The following ACIN1 variants were observed in gnomAD, a reference collection of about 807,000 sequenced individuals.
ACIN1 encodes apoptotic chromatin condensation inducer in the nucleus.
ACIN1 carries 16 observed loss-of-function variants against 146.6 expected under a neutral mutation model. That is an observed-to-expected ratio of 0.11 (90% CI 0.07 to 0.17). The LOEUF is 0.17. Among genes scored for constraint, ACIN1 ranks in the 10% least tolerant of loss-of-function variants. ACIN1 has a pLI of 1.00. For missense variants in ACIN1, 1,357 were observed against 1,609.3 expected, an observed-to-expected ratio of 0.84 and a Z score of 2.68; for synonymous variants, 569 against 582.7, an observed-to-expected ratio of 0.98 and a Z score of 0.34.
intron 5 of ACIN1, among the ~76,000 whole-genome samples, 177 bp downstream of exon 5, chr14:23,081,571 A>G (rs559893416): frequency 1.3e-3 from 193 of 152,324 alleles, no homozygotes; most frequent in Admixed American, 4.3e-3. Context: ...TCGAGGCTGT[A>G]GTAAGCTGTG....
intron 2 of ACIN1, 127 bp downstream of exon 2, chr14:23,093,352 C>T: frequency 1.0e-6 from 1 of 956,444 alleles, no homozygotes; most frequent in Admixed American, 2.2e-5. Context: ...GGTTTGAGAA[C>T]ATTTCTGACT....
chr14:23,092,380 GT>G (rs1284066425), intron 2 of ACIN1, among the ~76,000 whole-genome samples: 1 of 23,330 alleles, frequency 4.3e-5, no homozygotes, highest in Non-Finnish European at 2.3e-4. Flanking sequence ...CACAAACCCG[GT>G]GTTAATAAAA....
intron 8 of ACIN1, among the ~76,000 whole-genome samples, chr14:23,075,229 G>A (rs1274368228): frequency 6.6e-6 from 1 of 151,968 alleles, no homozygotes; most frequent in South Asian, 2.1e-4. Context: ...TGTGCATACA[G>A]GAAGGTTGTA....
chr14:23,061,481 C>T lies in ACIN1; in HGVS notation c.3241G>A (p.Glu1081Lys). Residue 1081 changes from glutamate (E) to lysine (K), a missense_variant, in exon 17 of 19, where the codon GAA (glutamate) becomes AAA (lysine). Physicochemically the swap from Glu to Lys is moderately conservative, Grantham distance 56 (BLOSUM62 1). This residue lies in a region of ACIN1 where 509 missense variants were observed against 719.6 expected (regional missense o/e 0.71). Coordinates refer to ENST00000605057, the MANE Select transcript of ACIN1 (RefSeq NM_001386863.1). Reference sequence around the variant, plus strand: ...GCCCACTGTTCCCGCACTGCCCGTTCCTGCTCCCGCTGCTCTGCCCGGGGG... The same window carrying T: ...GCCCACTGTTCCCGCACTGCCCGTTTCTGCTCCCGCTGCTCTGCCCGGGGG... ...QHPRAEQREQERAVREQWAER... is the reference protein window; with the variant it reads ...QHPRAEQREQKRAVREQWAER... The T allele has an allele frequency of 6.2e-7, 1 of 1,612,418 alleles. No individual in the cohort carries two copies.
rs1382324912 is a variant in ACIN1 at position 23,079,769 on chromosome 14, C to T, written c.1566G>A (p.Arg522=). Residue 522 remains arginine, a synonymous_variant, in exon 6 of 19, where the codon CGG becomes CGA. Transcript: ENST00000605057. ...AACTGGAGGAGGAAGATGAGGAGGA[C>T]CGGCTAGAGGATGAATCAGCTGACT... ...LKQSADSSSS[R]SSSSSSSSSR... The T allele has an allele frequency of 6.2e-7, 1 of 1,614,000 alleles. No individual in the cohort carries two copies. Among genetic ancestry groups the T allele is most frequent in the African/African-American group, 1.3e-5 (1 of 74,878 alleles).
At chr14:23,089,378 GT>G (rs1336491891) in intron 4 of ACIN1, among the ~76,000 whole-genome samples, 3 of 152,100 alleles carry the variant, frequency 2.0e-5, no homozygotes, top group African/African-American at 7.2e-5. Flanking sequence ...TTTCTATAAT[GT>G]GAAGAAATTA....
intron 10 of ACIN1, 26 bp from the exon 11 acceptor site, chr14:23,064,514 G>A (rs757752412): frequency 6.2e-7 from 1 of 1,612,698 alleles, no homozygotes; most frequent in South Asian, 1.1e-5. Context: ...AGACCCAACA[G>A]TTAGATGGTC....
chr14:23,094,996 G>T lies in ACIN1; in HGVS notation c.117C>A (p.Ala39=). 6.2e-7 allele frequency: 1 copy of T among 1,606,480 alleles called. No individual in the cohort carries two copies. Among genetic ancestry groups the T allele is most frequent in the African/African-American group, 1.3e-5 (1 of 75,058 alleles). ...RGLAKSGQKS[A]LVKRLKGALM... is the part of the protein sequence containing the mutation. ...TCACCCCTTTGAGCCGCTTGACCAG[G>T]GCACTCTTCTGCCCGCTCTTGGCTA... is the stretch of plus-strand genomic sequence containing the variant. Residue 39 remains alanine (A), a synonymous_variant, in exon 1 of 19, where the codon GCC becomes GCA. Coordinates refer to ENST00000605057, the MANE Select transcript of ACIN1 (RefSeq NM_001386863.1).
intron 18 of ACIN1, 43 bp downstream of exon 18, chr14:23,061,041 C>T: frequency 1.3e-6 from 2 of 1,581,634 alleles, no homozygotes; most frequent in Non-Finnish European, 8.7e-7. Context: ...TGACCTCAAG[C>T]CTCAGTGCCA....
chr14:23,080,886 C>CA, intron 5 of ACIN1, 77 bp from the exon 6 acceptor site: 1 of 1,519,926 alleles, frequency 6.6e-7, no homozygotes, highest in South Asian at 1.3e-5. Context: ...CTAATGAAGA[C>CA]ACCCCTAGGA....
chr14:23,067,505 G>C lies in ACIN1; in HGVS notation c.2266-1497C>G. ...GTCCTCCCAGGGGCGCAGGGGGGGC[G>C]GGAGGGAAACGTGTGGGGGGACGCT... On this transcript the variant is annotated intron_variant, in intron 9 of 18. Transcript: ENST00000605057. This position sits in a 1 kb window ranked among gnomAD's most constrained non-coding sequence, Gnocchi z 4.6. 1 of 975,234 alleles carries C rather than the reference G, an allele frequency of 1.0e-6. No individual in the cohort carries two copies. Among genetic ancestry groups the C allele is most frequent in the Non-Finnish European group, 1.2e-6 (1 of 820,834 alleles). 60.4% of individuals were successfully genotyped at this position (975,234 alleles called of 1,614,324 possible).
rs115833698 is a variant in ACIN1 at position 23,063,678 on chromosome 14, T to C, written c.2596-101A>G. Reference sequence around the variant, plus strand: ...GGTAAGAGTAGCAGTCAATCTAGCATGTTCCTTCCGCTAGGGGTATTTCGT... The same window carrying C: ...GGTAAGAGTAGCAGTCAATCTAGCACGTTCCTTCCGCTAGGGGTATTTCGT... On this transcript the variant is annotated intron_variant, in intron 12 of 18. Transcript: ENST00000605057. 2,691 of 1,364,018 alleles carry C rather than the reference T, an allele frequency of 2.0e-3. 53 individuals carry two copies. The African/African-American group carries it at 0.034, about 17-fold the overall frequency. 84.5% of individuals were successfully genotyped at this position (1,364,018 alleles called of 1,614,324 possible). A position where few individuals can be genotyped will look rare whatever the true frequency, so the allele number is the denominator to read the frequency against.
At chr14:23,086,448 T>G (rs963406519) in intron 4 of ACIN1, among the ~76,000 whole-genome samples, 3 of 152,220 alleles carry the variant, frequency 2.0e-5, no homozygotes, top group Non-Finnish European at 4.4e-5. Flanking sequence ...AGGTGGATAA[T>G]GAGTCCTAAC....
At chr14:23,095,575 A>G, upstream of ACIN1, 1 of 424,134 alleles carries the variant, frequency 2.4e-6, no homozygotes, top group Non-Finnish European at 4.3e-6. Flanking sequence ...TTGGAGTCTA[A>G]GGACTCGTGA....
upstream of ACIN1, chr14:23,095,432 C>G: frequency 8.8e-7 from 1 of 1,141,052 alleles, no homozygotes; most frequent in Non-Finnish European, 1.2e-6. Flanking sequence ...CGGAGATGTT[C>G]GTTTATTTCC....
In ACIN1 at chr14:23,069,001, A is replaced by G. The variant is rs1380332742; in HGVS notation, c.2265+475T>C. ...CACAAGTGCTGGCTTCTAAGTAGCT[A>G]CATCTCTGCAGTCAGACCACTGGAG... On this transcript the variant is annotated intron_variant, in intron 9 of 18. Transcript: ENST00000605057. 6.1e-6 allele frequency: 6 copies of G among 985,828 alleles called. No homozygotes were observed. In the Admixed American group the frequency reaches 3.7e-4, roughly 61 times the overall value. 61.1% of individuals were successfully genotyped at this position (985,828 alleles called of 1,614,324 possible). A position where few individuals can be genotyped will look rare whatever the true frequency, so the allele number is the denominator to read the frequency against.
In ACIN1 at chr14:23,090,458, T is replaced by C. The variant is rs1038990888; in HGVS notation, c.316+64A>G. 10 of 1,409,878 alleles carry C rather than the reference T, an allele frequency of 7.1e-6. No individual in the cohort carries two copies. The African/African-American group carries it at 1.4e-4, about 20-fold the overall frequency. The allele number at this position is 1,409,878 out of a possible 1,614,324, so 87.3% of individuals were successfully genotyped here. A position where few individuals can be genotyped will look rare whatever the true frequency, so the allele number is the denominator to read the frequency against. ...CTGAAATTGTCTAGTTAGACAGGCCTATCTACTTGGTGACAGGGATAAGAA... is the reference window on the plus strand; with the variant it reads ...CTGAAATTGTCTAGTTAGACAGGCCCATCTACTTGGTGACAGGGATAAGAA... On this transcript the variant is annotated intron_variant, in intron 3 of 18. Transcript: ENST00000605057.
chr14:23,072,234 G>C (rs966928591), intron 8 of ACIN1, among the ~76,000 whole-genome samples: 14 of 152,212 alleles, frequency 9.2e-5, no homozygotes, highest in African/African-American at 3.1e-4. Context: ...AAGGGGGGCA[G>C]GGTTGGTGTC....
Position 23,093,390 on chromosome 14 carries a change from G to A in ACIN1, c.204+89C>T, listed in dbSNP as rs1260372786. 1.8e-5 allele frequency: 23 copies of A among 1,291,386 alleles called. No homozygotes were observed. The Admixed American group carries it at 2.6e-4, about 15-fold the overall frequency. The allele number at this position is 1,291,386 out of a possible 1,614,324, so 80.0% of individuals were successfully genotyped here. A position where few individuals can be genotyped will look rare whatever the true frequency, so the allele number is the denominator to read the frequency against. ...GAGAACTTAGGAAAACAGTCATGAG[G>A]ACTTAAGCATCAAATATACAACACC... is the stretch of plus-strand genomic sequence containing the variant. On this transcript the variant is annotated intron_variant, in intron 2 of 18. Coordinates refer to ENST00000605057, the MANE Select transcript of ACIN1 (RefSeq NM_001386863.1).
Sources: allele counts gnomAD v4.1 joint callset (sites outside exome capture counted in the v4.1 genomes callset), GRCh38; gene constraint gnomAD v4.1.1; regional missense constraint gnomAD v4.1.1; non-coding constraint Gnocchi (gnomAD v3.1); transcripts MANE v1.5; gene names NCBI Gene and HGNC (gene_info 2026-07-23, HGNC 2026-07-21).